UBAP2: variants seen among roughly 807,000 people sequenced by gnomAD.
UBAP2 encodes the protein ubiquitin-associated protein 2.
In UBAP2, 75 loss-of-function variants were observed where a neutral mutation model predicts 139.6. The ratio of observed to expected loss-of-function variants is 0.54; its 90% CI spans 0.45 to 0.65. The LOEUF is 0.65. Among genes scored for constraint, UBAP2 ranks in the 30% least tolerant of loss-of-function variants. The pLI is 0.00. For missense variants in UBAP2, 1,368 were observed against 1,369.6 expected, an observed-to-expected ratio of 1.00 and a Z score of 0.02; for synonymous variants, 526 against 526.2, an observed-to-expected ratio of 1.00 and a Z score of 0.01.
rs762743717 is a variant in UBAP2, at chr9:34,017,150, T to A, written c.-2A>T. 1 of 1,573,142 alleles carries A rather than the reference T, an allele frequency of 6.4e-7. No homozygotes were observed. The highest frequency in any genetic ancestry group is 8.6e-7 in the Non-Finnish European group (1 of 1,164,386). Reference sequence around the variant, plus strand: ...GTCACTGCTCACTGAAGTCATCATATACAGTATATACAAAATAATGTATGT... The same window carrying A: ...GTCACTGCTCACTGAAGTCATCATAAACAGTATATACAAAATAATGTATGT... On this transcript the variant is annotated 5_prime_UTR_variant, in exon 2 of 29. Coordinates refer to ENST00000379238, the MANE Select transcript of UBAP2 (RefSeq NM_001370062.2).
At chr9:34,012,696 G>A (rs1386158044) in intron 2 of UBAP2, among the ~76,000 whole-genome samples, 7 of 152,132 alleles carry the variant, frequency 4.6e-5, no homozygotes, top group East Asian at 1.9e-4. Context: ...CTTGTCAAAC[G>A]TTTCTGGGAA....
chr9:33,956,613 G>A (rs1826587175), intron 10 of UBAP2, among the ~76,000 whole-genome samples: 3 of 152,058 alleles, frequency 2.0e-5, no homozygotes. Flanking sequence ...ACAAGTATAA[G>A]CCATGGCGCC....
At chr9:34,043,303 C>G (rs1174768544) in intron 1 of UBAP2, among the ~76,000 whole-genome samples, 1 of 151,680 alleles carries the variant, frequency 6.6e-6, no homozygotes, top group Middle Eastern at 3.5e-3. Flanking sequence ...TCCTGAGTAG[C>G]TGGGACTACA....
At chr9:33,956,581 G>C (rs184510567) in intron 10 of UBAP2, among the ~76,000 whole-genome samples, 17 of 152,092 alleles carry the variant, frequency 1.1e-4, no homozygotes, top group African/African-American at 3.9e-4. Flanking sequence ...CACCCACCTT[G>C]ACCTCCCAAA....
rs936482274 is a variant in UBAP2, at chr9:33,975,565, G to A, written c.521-2328C>T. Among the ~76,000 whole-genome samples the A allele has an allele frequency of 1.5e-4, 22 of 151,446 alleles. 1 individual carries two copies. Among genetic ancestry groups the A allele is most frequent in the Admixed American group, 7.9e-4 (12 of 15,202 alleles). ...TGTAATCCCAGCACTTTGGGAGGCC[G>A]AGACGGACGGATCACAAGGTCAGGA... On this transcript the variant is annotated intron_variant, in intron 6 of 28. Transcript: ENST00000379238.
intron 2 of UBAP2, among the ~76,000 whole-genome samples, chr9:34,011,828 G>T (rs1823771259): frequency 6.6e-6 from 1 of 152,114 alleles, no homozygotes; most frequent in Non-Finnish European, 1.5e-5. Flanking sequence ...TCTTCCTCTG[G>T]ATCTCTTACC....
Position 33,922,222 on chromosome 9 carries a change from T to G in UBAP2, c.*282A>C, listed in dbSNP as rs1587493710. On this transcript the variant is annotated 3_prime_UTR_variant, in exon 29 of 29. Transcript: ENST00000379238. ...GACCTGAAGGCAGATGGGGTGGGGG[T>G]GCTTATTTTGCTACAGTGGAGAAGG... 9.5e-6 allele frequency: 4 copies of G among 421,254 alleles called. No individual in the cohort carries two copies. The highest frequency in any genetic ancestry group is 4.8e-5 in the East Asian group (1 of 20,690). 26.1% of individuals were successfully genotyped at this position (421,254 alleles called of 1,614,324 possible).
At chr9:34,032,911 G>A (rs1206131577) in intron 1 of UBAP2, among the ~76,000 whole-genome samples, 1 of 109,846 alleles carries the variant, frequency 9.1e-6, no homozygotes, top group Non-Finnish European at 1.9e-5. Flanking sequence ...GCAAGACCCT[G>A]TCTTCAAAAA....
rs1823015229 is a variant in UBAP2, at chr9:33,922,708, G to A, written c.3243C>T (p.His1081=). Residue 1081 remains histidine (H), a synonymous_variant, in exon 28 of 29, where the codon CAC becomes CAT. Coordinates refer to ENST00000379238, the MANE Select transcript of UBAP2 (RefSeq NM_001370062.2). ...TCACCTGTGCATCCTGCGGAAGGTG[G>A]TGGTGCAGCAGCTGTGAGTGGGGCT... The part of the protein sequence containing the change: ...HQQPHSQLLH[H]HLPQDAQSGS... The A allele has an allele frequency of 6.5e-7, 1 of 1,549,802 alleles. No individual in the cohort carries two copies. The highest frequency in any genetic ancestry group is 8.7e-7 in the Non-Finnish European group (1 of 1,148,514).
chr9:34,047,104 C>A (rs930633149), intron 1 of UBAP2, among the ~76,000 whole-genome samples: 2 of 152,102 alleles, frequency 1.3e-5, no homozygotes, highest in Non-Finnish European at 2.9e-5. Context: ...CCACCACTTT[C>A]GGGCATATTT....
chr9:33,976,410 T>G (rs776160870), intron 6 of UBAP2, among the ~76,000 whole-genome samples: 6 of 152,194 alleles, frequency 3.9e-5, no homozygotes, highest in Non-Finnish European at 8.8e-5. Flanking sequence ...CAAAACATTA[T>G]CTAAGAGAAA....
intron 1 of UBAP2, among the ~76,000 whole-genome samples, chr9:34,024,963 G>T (rs917951327): frequency 4.6e-5 from 7 of 151,100 alleles, no homozygotes; most frequent in Non-Finnish European, 7.4e-5. Flanking sequence ...CAATCGGGGC[G>T]ACAGAACAAG....
intron 10 of UBAP2, among the ~76,000 whole-genome samples, chr9:33,958,054 C>T (rs1376359251): frequency 2.6e-5 from 4 of 152,078 alleles, no homozygotes; most frequent in Non-Finnish European, 5.9e-5. Context: ...CTCAACCTCC[C>T]AGGCTCAAGC....
chr9:34,036,806 CTTTTT>C (rs869116521), intron 1 of UBAP2, among the ~76,000 whole-genome samples: 2 of 99,500 alleles, frequency 2.0e-5, no homozygotes, highest in Admixed American at 2.0e-4. Context: ...AAGTTTTTCT[CTTTTT>C]TTTTTTTTTT....
At chr9:33,978,696 C>T (rs985792232) in intron 6 of UBAP2, among the ~76,000 whole-genome samples, 1 of 152,032 alleles carries the variant, frequency 6.6e-6, no homozygotes, top group African/African-American at 2.4e-5. Context: ...AGGAGAATGG[C>T]GTGAACCCAG....
intron 9 of UBAP2, among the ~76,000 whole-genome samples, chr9:33,962,755 T>C (rs1827166518): frequency 6.6e-6 from 1 of 151,674 alleles, no homozygotes; most frequent in Non-Finnish European, 1.5e-5. Context: ...GATGAGTGGA[T>C]CACCTGAGGT....
intron 1 of UBAP2, among the ~76,000 whole-genome samples, chr9:34,045,155 G>A (rs1055303055): frequency 1.3e-5 from 2 of 151,888 alleles, no homozygotes; most frequent in African/African-American, 4.8e-5. Flanking sequence ...AGACCATCTG[G>A]CTAACACTGT....
At chr9:34,018,384 G>A (rs991883894) in intron 1 of UBAP2, among the ~76,000 whole-genome samples, 4 of 148,930 alleles carry the variant, frequency 2.7e-5, no homozygotes, top group African/African-American at 9.7e-5. Flanking sequence ...ACAAAAACTA[G>A]AACCCTTGTG....
At chr9:33,982,841 T>C (rs922046459) in intron 6 of UBAP2, among the ~76,000 whole-genome samples, 1 of 152,088 alleles carries the variant, frequency 6.6e-6, no homozygotes, top group African/African-American at 2.4e-5. Context: ...CAATCTCCAA[T>C]TCACTGGTTA....
Sources: allele counts gnomAD v4.1 joint callset (sites outside exome capture counted in the v4.1 genomes callset), GRCh38; gene constraint gnomAD v4.1.1; transcripts MANE v1.5; gene names NCBI Gene and HGNC (gene_info 2026-07-23, HGNC 2026-07-21).